Variants in SGCZ observed in about 807,000 individuals in gnomAD.
The protein encoded by SGCZ is sarcoglycan zeta, also known as zeta-sarcoglycan.
A neutral mutation model predicts 41.3 loss-of-function variants in SGCZ; 40 were observed. The observed-to-expected ratio is 0.97, with a 90% CI of 0.75 to 1.26. SGCZ has a LOEUF of 1.26. SGCZ is among the 50% of genes most tolerant of loss of function. The probability of loss-of-function intolerance (pLI) is 0.00; values close to 1 mark genes in which losing one functional copy is unlikely to be tolerated. For synonymous variants in SGCZ, 206 were observed against 137.5 expected, an observed-to-expected ratio of 1.50 and a Z score of -3.49; for missense variants, 552 against 369.8, an observed-to-expected ratio of 1.49 and a Z score of -4.04.
At chr8:14,763,774 T>A (rs531335217) in intron 1 of SGCZ, among the ~76,000 whole-genome samples, 1 of 152,208 alleles carries the variant, frequency 6.6e-6, no homozygotes, top group Non-Finnish European at 1.5e-5. Context: ...ATAGCCTTAG[T>A]TCTACATAGC....
At chr8:14,639,321 G>C (rs925479858) in intron 1 of SGCZ, among the ~76,000 whole-genome samples, 3 of 151,570 alleles carry the variant, frequency 2.0e-5, no homozygotes, top group Non-Finnish European at 2.9e-5. Flanking sequence ...AGCCATTTGA[G>C]TGCTGTCATT....
At chr8:14,393,876 T>C (rs909720320) in intron 2 of SGCZ, among the ~76,000 whole-genome samples, 1 of 152,288 alleles carries the variant, frequency 6.6e-6, no homozygotes, top group Non-Finnish European at 1.5e-5. Flanking sequence ...AAGCGCAGCA[T>C]CTTGGGAGAG....
chr8:14,447,615 C>A (rs73517483), intron 2 of SGCZ, among the ~76,000 whole-genome samples: 1 of 152,062 alleles, frequency 6.6e-6, no homozygotes, highest in African/African-American at 2.4e-5. Context: ...TCCCCATAAC[C>A]TAAACACATA....
At chr8:14,369,020 A>AATGTGTGTGT (rs1803816353) in intron 2 of SGCZ, among the ~76,000 whole-genome samples, 2 of 100,812 alleles carry the variant, frequency 2.0e-5, no homozygotes, top group Middle Eastern at 5.0e-3. Context: ...GGCAAATGTA[A>AATGTGTGTGT]ATGTGTGTGT....
At chr8:14,210,231 G>C (rs902288978) in intron 4 of SGCZ, among the ~76,000 whole-genome samples, 15 of 151,896 alleles carry the variant, frequency 9.9e-5, no homozygotes, top group African/African-American at 3.4e-4. Flanking sequence ...GCTAATTTTT[G>C]CATTTTTAGT....
chr8:14,863,789 T>C (rs948393625), intron 1 of SGCZ, among the ~76,000 whole-genome samples: 5 of 152,130 alleles, frequency 3.3e-5, no homozygotes, highest in Non-Finnish European at 5.9e-5. Flanking sequence ...TAGATGAAAT[T>C]ATCCACATCA....
chr8:14,424,396 T>G (rs1243019425), intron 2 of SGCZ, among the ~76,000 whole-genome samples: 2 of 152,166 alleles, frequency 1.3e-5, no homozygotes, highest in African/African-American at 4.8e-5. Flanking sequence ...TACATAAACA[T>G]TGGGTCTTCC....
intron 1 of SGCZ, among the ~76,000 whole-genome samples, chr8:14,872,809 T>G (rs1216232068): frequency 1.3e-5 from 2 of 152,192 alleles, no homozygotes; most frequent in African/African-American, 4.8e-5. Flanking sequence ...TTTATTCATC[T>G]TTTTATCTAC....
intron 2 of SGCZ, among the ~76,000 whole-genome samples, chr8:14,521,144 T>C (rs997649510): frequency 6.6e-6 from 1 of 151,998 alleles, no homozygotes; most frequent in African/African-American, 2.4e-5. Context: ...AGTAAAGAGG[T>C]AGAATATTTC....
At chr8:14,491,326 C>T (rs1801836944) in intron 2 of SGCZ, among the ~76,000 whole-genome samples, 1 of 146,342 alleles carries the variant, frequency 6.8e-6, no homozygotes, top group South Asian at 2.2e-4. Context: ...AAATACTCTA[C>T]AGGCAAAAAC....
chr8:14,826,909 C>A (rs1178839173), intron 1 of SGCZ, among the ~76,000 whole-genome samples: 2 of 152,076 alleles, frequency 1.3e-5, no homozygotes, highest in Non-Finnish European at 2.9e-5. Flanking sequence ...ACGGTAGTTT[C>A]TTTTGCTGTG....
intron 1 of SGCZ, among the ~76,000 whole-genome samples, chr8:15,067,459 T>A (rs1293617719): frequency 6.6e-6 from 1 of 152,194 alleles, no homozygotes; most frequent in African/African-American, 2.4e-5. Flanking sequence ...ATAAGTTAAG[T>A]GACTTTACAG....
chr8:14,587,393 TG>T (rs1805094723), intron 1 of SGCZ, among the ~76,000 whole-genome samples: 1 of 148,784 alleles, frequency 6.7e-6, no homozygotes, highest in Non-Finnish European at 1.5e-5. Flanking sequence ...AAAAAAAGTT[TG>T]GGTGTTGTGG....
intron 5 of SGCZ, among the ~76,000 whole-genome samples, chr8:14,163,290 G>A (rs1252282507): frequency 3.9e-5 from 6 of 152,128 alleles, no homozygotes; most frequent in South Asian, 2.1e-4. Context: ...ATACTTATTC[G>A]TTATTTTTCC....
At chr8:14,725,362 G>T (rs1204647396) in intron 1 of SGCZ, among the ~76,000 whole-genome samples, 1 of 152,106 alleles carries the variant, frequency 6.6e-6, no homozygotes, top group Non-Finnish European at 1.5e-5. Context: ...GAGTGAAATT[G>T]CTGGATCATA....
intron 1 of SGCZ, among the ~76,000 whole-genome samples, chr8:15,008,771 G>A (rs1236174753): frequency 1.5e-5 from 1 of 66,154 alleles, no homozygotes; most frequent in Non-Finnish European, 3.2e-5. Context: ...GAGGGACGGA[G>A]GGAGGGGAGG....
intron 4 of SGCZ, among the ~76,000 whole-genome samples, chr8:14,207,885 G>A (rs906379165): frequency 1.3e-5 from 2 of 151,856 alleles, no homozygotes; most frequent in South Asian, 4.2e-4. Context: ...TGATCATATG[G>A]CTACTGGAAG....
intron 1 of SGCZ, among the ~76,000 whole-genome samples, chr8:15,070,632 T>C (rs1198089866): frequency 6.6e-6 from 1 of 152,160 alleles, no homozygotes; most frequent in Non-Finnish European, 1.5e-5. Context: ...GAAAATTTAT[T>C]GCAAATGGAT....
At chr8:14,649,989 G>C (rs1807344923) in intron 1 of SGCZ, among the ~76,000 whole-genome samples, 2 of 152,038 alleles carry the variant, frequency 1.3e-5, no homozygotes, top group Admixed American at 1.3e-4. Context: ...AGATCAGAAG[G>C]AGTGACATCC....
Sources: allele counts gnomAD v4.1 joint callset (sites outside exome capture counted in the v4.1 genomes callset), GRCh38; gene constraint gnomAD v4.1.1; transcripts MANE v1.5; gene names NCBI Gene and HGNC (gene_info 2026-07-23, HGNC 2026-07-21).